PTDSS2: variants seen among roughly 807,000 people sequenced by gnomAD.
PTDSS2 encodes PSS-2.
In PTDSS2, 41 loss-of-function variants were observed where a neutral mutation model predicts 64.7. That is an observed-to-expected ratio of 0.63 (90% confidence interval 0.49 to 0.82). The LOEUF is 0.82. PTDSS2 is among the 40% of genes least tolerant of loss of function. PTDSS2 has a pLI of 0.00. For synonymous variants in PTDSS2, 297 were observed against 277.8 expected (o/e 1.07, Z -0.69); for missense variants, 485 against 650.0 (o/e 0.75, Z 2.76).
Position 476,520 on chromosome 11 carries a change from G to A in PTDSS2, c.367+2543G>A, listed in dbSNP as rs1461525871. Among the ~76,000 whole-genome samples, 1 of 152,140 alleles carries A rather than the reference G, an allele frequency of 6.6e-6. No individual in the cohort carries two copies. Among genetic ancestry groups the A allele is most frequent in the African/African-American group, 2.4e-5 (1 of 41,416 alleles). ...ATGCACCAAATCCCTCCTGGGTGGC[G>A]GCATCACTGGGGACTGGGACGCAGC... is the stretch of plus-strand genomic sequence containing the variant. On this transcript the variant is annotated intron_variant, in intron 3 of 11. Coordinates refer to ENST00000308020, the MANE Select transcript of PTDSS2 (RefSeq NM_030783.3). The surrounding 1 kb of genome is among the most constrained non-coding windows in gnomAD (Gnocchi z 4.9).
chr11:457,970 C>G (rs150637602), intron 1 of PTDSS2, among the ~76,000 whole-genome samples: 1 of 152,166 alleles, frequency 6.6e-6, no homozygotes, highest in Non-Finnish European at 1.5e-5. Context: ...GATGCTGTGT[C>G]GTGGCTTGGA....
chr11:481,113 T>C (rs1848052377), intron 4 of PTDSS2, among the ~76,000 whole-genome samples: 2 of 151,570 alleles, frequency 1.3e-5, no homozygotes, highest in African/African-American at 4.8e-5. Flanking sequence ...CTGCCTGCCT[T>C]GGCCTCCCAA....
chr11:488,070 C>A, intron 6 of PTDSS2, 129 bp from the exon 7 acceptor site: 1 of 604,816 alleles, frequency 1.7e-6, no homozygotes, highest in Non-Finnish European at 2.8e-6. Flanking sequence ...TGCACGCACC[C>A]GTGGGCAGGG....
At chr11:472,636 G>A (rs1847524062) in intron 2 of PTDSS2, among the ~76,000 whole-genome samples, 1 of 152,210 alleles carries the variant, frequency 6.6e-6, no homozygotes, top group Non-Finnish European at 1.5e-5. Context: ...CCTCCATCCT[G>A]CAAGCCTCGG....
At chr11:457,540 T>C (rs1196492751) in intron 1 of PTDSS2, among the ~76,000 whole-genome samples, 2 of 152,194 alleles carry the variant, frequency 1.3e-5, no homozygotes, top group Non-Finnish European at 2.9e-5. Flanking sequence ...CCAAGGGGCG[T>C]GTCTTTGAGA....
chr11:465,570 A>G (rs1847104024), intron 2 of PTDSS2, among the ~76,000 whole-genome samples: 1 of 152,258 alleles, frequency 6.6e-6, no homozygotes, highest in Non-Finnish European at 1.5e-5. Flanking sequence ...GTTTGGTGAT[A>G]ATAAAATACC....
chr11:456,960 CAGA>C (rs1846624687), intron 1 of PTDSS2, among the ~76,000 whole-genome samples: 1 of 152,142 alleles, frequency 6.6e-6, no homozygotes, highest in Admixed American at 6.6e-5. Context: ...TAAAATATGG[CAGA>C]AGAATTCACT....
At position 489,584 on chromosome 11, in the gene PTDSS2, C is replaced by G; in HGVS notation, c.970-4C>G. On this transcript the variant is annotated splice_region_variant and splice_polypyrimidine_tract_variant and intron_variant, in intron 9 of 11. Coordinates refer to ENST00000308020, the MANE Select transcript of PTDSS2 (RefSeq NM_030783.3). ...GAGCTGGTGCTCACCCTCTCCTCCC[C>G]TAGTTCCTGTTGGCAGAACTGAACA... The G allele has an allele frequency of 6.2e-7, 1 of 1,604,036 alleles. No homozygotes were observed. Among genetic ancestry groups the G allele is most frequent in the African/African-American group, 1.3e-5 (1 of 74,862 alleles).
intron 4 of PTDSS2, 57 bp from the exon 5 acceptor site, chr11:486,882 C>T (rs970749187): frequency 5.8e-6 from 9 of 1,542,758 alleles, no homozygotes; most frequent in Admixed American, 2.1e-5. Flanking sequence ...CATGATCTCC[C>T]GTTTCAAGTT....
Position 491,376 on chromosome 11 carries a change from C to T in PTDSS2, c.*794C>T, listed in dbSNP as rs1381066192. On this transcript the variant is annotated 3_prime_UTR_variant, in exon 12 of 12. Transcript: ENST00000308020. The stretch of plus-strand genomic sequence containing the variant: ...GAACCAATAAAGTGACAACGAACGT[C>T]TGAGGCTTCCAGCCCTCCCCCCAGC... 1 of 152,464 alleles carries T rather than the reference C, an allele frequency of 6.6e-6. No homozygotes were observed. The highest frequency in any genetic ancestry group is 1.5e-5 in the Non-Finnish European group (1 of 68,196). The allele number at this position is 152,464 out of a possible 1,614,324, so 9.4% of individuals were successfully genotyped here.
intron 2 of PTDSS2, among the ~76,000 whole-genome samples, chr11:471,663 T>G (rs1250187717): frequency 9.0e-6 from 1 of 111,196 alleles, no homozygotes; most frequent in Non-Finnish European, 1.9e-5. Context: ...ACCTGTCTGG[T>G]GGATGGCGGC....
At chr11:456,170 C>CT (rs71022912) in intron 1 of PTDSS2, among the ~76,000 whole-genome samples, 9,238 of 114,790 alleles carry the variant, frequency 0.08, 693 homozygotes, top group African/African-American at 0.14. Flanking sequence ...TTCTTTCATT[C>CT]TTTTTTTTTT....
At chr11:474,561 C>T (rs1184616713) in intron 3 of PTDSS2, among the ~76,000 whole-genome samples, 3 of 152,208 alleles carry the variant, frequency 2.0e-5, no homozygotes, top group Admixed American at 6.5e-5. Context: ...CCTCAGCCAC[C>T]ACCCCACCTT....
At chr11:469,980 C>T (rs1434070057) in intron 2 of PTDSS2, among the ~76,000 whole-genome samples, 2 of 152,246 alleles carry the variant, frequency 1.3e-5, no homozygotes, top group East Asian at 1.9e-4. Flanking sequence ...TAAACATCCA[C>T]GAGCCCATAG....
At chr11:466,182 T>C (rs1847131667) in intron 2 of PTDSS2, among the ~76,000 whole-genome samples, 1 of 152,148 alleles carries the variant, frequency 6.6e-6, no homozygotes, top group Non-Finnish European at 1.5e-5. Flanking sequence ...CAGACCAGCC[T>C]GTGTAACATG....
At chr11:488,021 GCCTGCGTC>G (rs1848476719) in intron 6 of PTDSS2, among the ~76,000 whole-genome samples, 170 bp from the exon 7 acceptor site, 4 of 147,238 alleles carry the variant, frequency 2.7e-5, no homozygotes, top group African/African-American at 1.0e-4. Context: ...GCCGGGCGTG[GCCTGCGTC>G]CCATACTCTG....
At position 460,247 on chromosome 11, in the gene PTDSS2, G is replaced by A. The variant is rs150683859; in HGVS notation, c.243G>A (p.Leu81=). The A allele has an allele frequency of 2.0e-4, 325 of 1,614,216 alleles. 4 individuals carry two copies. The African/African-American group carries it at 3.7e-3, about 18-fold the overall frequency. Residue 81 remains leucine, a synonymous_variant, in exon 2 of 12, where the codon CTG becomes CTA. Transcript: ENST00000308020. The surrounding 1 kb of genome is among the most constrained non-coding windows in gnomAD (Gnocchi z 5.8). The part of the protein sequence containing the change: ...ILTCTLGYVT[L]LEETPQDTAY... ...CCTGTACGCTTGGCTATGTGACGCTGCTGGAGGAAACACCTCAGGACACGG... is the reference window on the plus strand; with the variant it reads ...CCTGTACGCTTGGCTATGTGACGCTACTGGAGGAAACACCTCAGGACACGG...
chr11:480,998 G>T (rs1848045591), intron 4 of PTDSS2, among the ~76,000 whole-genome samples: 1 of 151,840 alleles, frequency 6.6e-6, no homozygotes, highest in East Asian at 1.9e-4. Flanking sequence ...GCAAGTGAAT[G>T]GCCTGAACCC....
In PTDSS2 at chr11:490,828, G is replaced by A. The variant is rs572822516; in HGVS notation, c.*246G>A. On this transcript the variant is annotated 3_prime_UTR_variant, in exon 12 of 12. Transcript: ENST00000308020. ...TGTGTACGCGCGTGTGTACACATGC[G>A]TGGCCGCCTGTGGTGTGCACGTGTG... 2.1e-4 allele frequency: 115 copies of A among 544,342 alleles called. No individual in the cohort carries two copies. Among genetic ancestry groups the A allele is most frequent in the African/African-American group, 1.8e-3 (93 of 52,616 alleles). The allele number at this position is 544,342 out of a possible 1,614,324, so 33.7% of individuals were successfully genotyped here.
Sources: gnomAD v4.1 joint callset for allele counts (sites outside exome capture counted in the v4.1 genomes callset) on GRCh38, gnomAD v4.1.1 for gene constraint, Gnocchi (gnomAD v3.1) non-coding constraint, MANE v1.5 for transcripts, NCBI Gene and HGNC (gene_info 2026-07-23, HGNC 2026-07-21) for gene names.